CELF2: variants seen among roughly 807,000 people sequenced by gnomAD.
CELF2 encodes CUG triplet repeat RNA-binding protein 2.
CELF2 carries 8 observed loss-of-function variants against 62.6 expected under a neutral mutation model. The observed-to-expected ratio is 0.13, with a 90% CI of 0.07 to 0.23. The LOEUF (loss-of-function observed/expected upper bound fraction) is 0.23, where lower values mean the gene tolerates loss of function less well. Ranked by LOEUF, CELF2 falls within the 10% of genes least tolerant of loss-of-function variation. The pLI is 1.00. For missense variants in CELF2, 333 were observed against 671.0 expected, an observed-to-expected ratio of 0.50 and a Z score of 5.56; for synonymous variants, 258 against 250.0, an observed-to-expected ratio of 1.03 and a Z score of -0.30.
the CELF2 span, among the ~76,000 whole-genome samples, chr10:10,542,202 C>G: frequency 6.6e-6 from 1 of 152,178 alleles, no homozygotes; most frequent in African/African-American, 2.4e-5. Flanking sequence ...TCACATAGCT[C>G]TTTTGAGTCA....
chr10:10,866,607 CAAAAAAAAAA>C lies in CELF2; in HGVS notation c.54-53341_54-53332del, dbSNP rs55875778. Among the ~76,000 whole-genome samples the C allele has an allele frequency of 1.1e-4, 6 of 52,518 alleles. No homozygotes were observed. In the South Asian group the frequency reaches 2.3e-3, roughly 20 times the overall value. 34.5% of individuals were successfully genotyped at this position (52,518 alleles called of 152,430 possible). A position where few individuals can be genotyped will look rare whatever the true frequency, so the allele number is the denominator to read the frequency against. On this transcript the variant is annotated intron_variant, in intron 1 of 13. Transcript: ENST00000636488. ...GTGACAGAGCAAGACTCCATCCTCT[CAAAAAAAAAA>C]AAAAAAAAAAAAAAATCCAACAATC...
intron 2 of CELF2, among the ~76,000 whole-genome samples, chr10:10,933,343 G>C (rs2066287335): frequency 1.3e-5 from 2 of 151,990 alleles, no homozygotes; most frequent in African/African-American, 4.8e-5. Flanking sequence ...TATTTATGTG[G>C]TACAGTATGA....
upstream of CELF2, among the ~76,000 whole-genome samples, chr10:11,003,011 G>T (rs2054671896): frequency 6.6e-6 from 1 of 152,138 alleles, no homozygotes; most frequent in East Asian, 1.9e-4. This position sits in a 1 kb window ranked among gnomAD's most constrained non-coding sequence, Gnocchi z 4.4. Context: ...AGTTGGGGAG[G>T]TCAAAGACTT....
At chr10:10,673,421 C>T in the CELF2 span, among the ~76,000 whole-genome samples, 3 of 151,962 alleles carry the variant, frequency 2.0e-5, no homozygotes, top group Non-Finnish European at 4.4e-5. Context: ...TGTGTTTTAT[C>T]TCTTTTTTCC....
chr10:11,321,475 G>C lies in CELF2; in HGVS notation c.1294+89G>C. On this transcript the variant is annotated intron_variant, in intron 11 of 12. Coordinates refer to ENST00000633077, the MANE Select transcript of CELF2 (RefSeq NM_001326342.2). This position sits in a 1 kb window ranked among gnomAD's most constrained non-coding sequence, Gnocchi z 6.2. ...CGGTTAGAAGGTATCAAATTGAACT[G>C]AACCCATGTCATAACAGAAAGCAGT... 2 of 1,006,564 alleles carry C rather than the reference G, an allele frequency of 2.0e-6. No homozygotes were observed. The highest frequency in any genetic ancestry group is 3.0e-5 in the South Asian group (2 of 66,316). The allele number at this position is 1,006,564 out of a possible 1,614,324, so 62.4% of individuals were successfully genotyped here. A position where few individuals can be genotyped will look rare whatever the true frequency, so the allele number is the denominator to read the frequency against.
At chr10:10,708,581 A>C in the CELF2 span, among the ~76,000 whole-genome samples, 1 of 152,188 alleles carries the variant, frequency 6.6e-6, no homozygotes, top group Non-Finnish European at 1.5e-5. Context: ...TGATAAGAAA[A>C]GTCAGTGACT....
the CELF2 span, among the ~76,000 whole-genome samples, chr10:10,586,322 T>A: frequency 2.0e-5 from 3 of 152,188 alleles, no homozygotes; most frequent in Admixed American, 2.0e-4. Context: ...AAAAAGGCCA[T>A]GTTTGACCCT....
At chr10:10,662,719 C>A in the CELF2 span, among the ~76,000 whole-genome samples, 2 of 152,012 alleles carry the variant, frequency 1.3e-5, no homozygotes, top group African/African-American at 4.8e-5. Flanking sequence ...GCAAACAAAC[C>A]AGCAATGGTG....
chr10:10,595,032 G>T, the CELF2 span, among the ~76,000 whole-genome samples: 1 of 152,202 alleles, frequency 6.6e-6, no homozygotes, highest in East Asian at 1.9e-4. Flanking sequence ...CAACATAAAC[G>T]TAGCTGCAAC....
At chr10:11,272,131 G>T (rs2084045242) in intron 7 of CELF2, among the ~76,000 whole-genome samples, 1 of 152,214 alleles carries the variant, frequency 6.6e-6, no homozygotes, top group African/African-American at 2.4e-5. Context: ...TTTGATGAAT[G>T]AATGAGAAGC....
chr10:10,807,132 C>G (rs1345079349), intron 1 of CELF2, among the ~76,000 whole-genome samples: 2 of 152,210 alleles, frequency 1.3e-5, no homozygotes, highest in Admixed American at 1.3e-4. Context: ...TCCTATTGGA[C>G]TTTCAAAAGC....
At chr10:10,778,988 C>A in the CELF2 span, among the ~76,000 whole-genome samples, 1 of 152,122 alleles carries the variant, frequency 6.6e-6, no homozygotes, top group Non-Finnish European at 1.5e-5. Flanking sequence ...ACACTATCTC[C>A]ACTGAAGGCC....
chr10:11,016,135 G>C (rs1165031017), upstream of CELF2, among the ~76,000 whole-genome samples: 1 of 152,138 alleles, frequency 6.6e-6, no homozygotes, highest in African/African-American at 2.4e-5. This position sits in a 1 kb window ranked among gnomAD's most constrained non-coding sequence, Gnocchi z 5.2. Context: ...GAACTGCCAA[G>C]GTTTGTCTTC....
chr10:10,718,698 A>G, the CELF2 span, among the ~76,000 whole-genome samples: 67 of 151,770 alleles, frequency 4.4e-4, no homozygotes, highest in Admixed American at 2.9e-3. Flanking sequence ...AACTGACCCA[A>G]GTTAAGCTAC....
chr10:11,310,162 T>C (rs1456250395), intron 9 of CELF2, among the ~76,000 whole-genome samples: 1 of 152,216 alleles, frequency 6.6e-6, no homozygotes, highest in Non-Finnish European at 1.5e-5. Flanking sequence ...GGGACCCCTC[T>C]GCTTCTTGGT....
chr10:11,116,272 A>G (rs1447354137), intron 1 of CELF2, among the ~76,000 whole-genome samples: 1 of 152,246 alleles, frequency 6.6e-6, no homozygotes, highest in East Asian at 1.9e-4. Context: ...GAGCCTTTTC[A>G]GCAGTCTGTT....
intron 1 of CELF2, among the ~76,000 whole-genome samples, chr10:10,918,497 G>A (rs1487153746): frequency 3.9e-5 from 6 of 152,204 alleles, no homozygotes; most frequent in Non-Finnish European, 8.8e-5. Context: ...CATTTACTAA[G>A]GAAGTATGGC....
At chr10:10,980,517 C>G (rs1038406140) in intron 2 of CELF2, among the ~76,000 whole-genome samples, 18 of 152,198 alleles carry the variant, frequency 1.2e-4, no homozygotes, top group African/African-American at 4.3e-4. Flanking sequence ...TCTGGGTTAG[C>G]CTTCTTGCTA....
chr10:11,151,149 T>C (rs533736048), intron 1 of CELF2, among the ~76,000 whole-genome samples: 2 of 152,248 alleles, frequency 1.3e-5, no homozygotes, highest in Non-Finnish European at 2.9e-5. Context: ...TTTAGTAGTA[T>C]AATATTAAGC....
Sources: gnomAD v4.1 joint callset for allele counts (sites outside exome capture counted in the v4.1 genomes callset) on GRCh38, gnomAD v4.1.1 for gene constraint, Gnocchi (gnomAD v3.1) non-coding constraint, MANE v1.5 for transcripts, NCBI Gene and HGNC (gene_info 2026-07-23, HGNC 2026-07-21) for gene names.